Variants in ATP6V1E1 observed in about 807,000 individuals in gnomAD.
ATP6V1E1 encodes V-type proton ATPase subunit E 1.
In ATP6V1E1, 21 loss-of-function variants were observed where a neutral mutation model predicts 35.2. The observed-to-expected ratio is 0.60, with a 90% CI of 0.42 to 0.86. ATP6V1E1 has a LOEUF of 0.86. Ranked by LOEUF, ATP6V1E1 falls within the 40% of genes least tolerant of loss-of-function variation. ATP6V1E1 has a pLI of 0.00. For missense variants in ATP6V1E1, 183 were observed against 272.6 expected, an observed-to-expected ratio of 0.67 and a Z score of 2.32; for synonymous variants, 83 against 87.8, an observed-to-expected ratio of 0.95 and a Z score of 0.30.
intron 8 of ATP6V1E1, among the ~76,000 whole-genome samples, chr22:17,593,510 G>A (rs954504732): frequency 2.6e-5 from 4 of 152,148 alleles, no homozygotes; most frequent in Admixed American, 6.5e-5. Flanking sequence ...TCCAAGGCTC[G>A]GCTGTCCAAC....
intron 7 of ATP6V1E1, chr22:17,594,849 C>T (rs2057723243): frequency 6.4e-6 from 2 of 312,666 alleles, no homozygotes; most frequent in African/African-American, 2.2e-5. Context: ...TATTTGCATA[C>T]AACCATCACA....
intron 2 of ATP6V1E1, among the ~76,000 whole-genome samples, chr22:17,617,411 A>G (rs2146312841): frequency 6.6e-6 from 1 of 152,198 alleles, no homozygotes; most frequent in Middle Eastern, 3.4e-3. Context: ...CTCCTGCCTC[A>G]GCCTCCTGAG....
At chr22:17,615,457 C>A (rs2057839193) in intron 2 of ATP6V1E1, among the ~76,000 whole-genome samples, 1 of 151,454 alleles carries the variant, frequency 6.6e-6, no homozygotes, top group Non-Finnish European at 1.5e-5. Context: ...ACGAGCCTGG[C>A]CAACATGGTG....
intron 4 of ATP6V1E1, among the ~76,000 whole-genome samples, chr22:17,611,266 A>G (rs562681103): frequency 4.4e-4 from 67 of 152,294 alleles, no homozygotes; most frequent in African/African-American, 1.4e-3. Flanking sequence ...AGCTAGTAAC[A>G]TTTTGCAGGC....
chr22:17,602,956 CATTATT>C (rs2057768939), intron 4 of ATP6V1E1, among the ~76,000 whole-genome samples: 1 of 151,958 alleles, frequency 6.6e-6, no homozygotes, highest in East Asian at 1.9e-4. Context: ...TTTAAAGAAA[CATTATT>C]ATTATTATTT....
chr22:17,593,051 G>A (rs895443795), intron 8 of ATP6V1E1, among the ~76,000 whole-genome samples: 2 of 152,072 alleles, frequency 1.3e-5, no homozygotes, highest in Non-Finnish European at 2.9e-5. Context: ...GCCTCCCACA[G>A]TGCTGGGATT....
chr22:17,606,136 A>G (rs2057785936), intron 4 of ATP6V1E1, among the ~76,000 whole-genome samples: 1 of 152,168 alleles, frequency 6.6e-6, no homozygotes, highest in Admixed American at 6.5e-5. Context: ...ATCAACACAG[A>G]CAAATATCTA....
chr22:17,623,007 G>A (rs2057885775), intron 1 of ATP6V1E1, among the ~76,000 whole-genome samples: 1 of 152,060 alleles, frequency 6.6e-6, no homozygotes, highest in Non-Finnish European at 1.5e-5. Flanking sequence ...CATATAGGAG[G>A]ATTTTAGAAG....
intron 7 of ATP6V1E1, among the ~76,000 whole-genome samples, chr22:17,597,388 A>G (rs5992751): frequency 0.4 from 60,109 of 151,866 alleles, 15,599 homozygotes; most frequent in African/African-American, 0.75. Flanking sequence ...CCAGCTACAC[A>G]AAGCTTGTTA....
At chr22:17,599,753 C>G (rs1196340408) in intron 6 of ATP6V1E1, among the ~76,000 whole-genome samples, 1 of 151,198 alleles carries the variant, frequency 6.6e-6, no homozygotes, top group Non-Finnish European at 1.5e-5. Flanking sequence ...AACCCTCCCT[C>G]TACTAAAAAT....
intron 6 of ATP6V1E1, among the ~76,000 whole-genome samples, chr22:17,598,643 A>C (rs5992752): frequency 0.011 from 1,633 of 152,274 alleles, 26 homozygotes; most frequent in African/African-American, 0.038. Flanking sequence ...AGGGAAGAGA[A>C]GTTTGGCTGC....
chr22:17,615,909 G>A (rs908366980), intron 2 of ATP6V1E1, among the ~76,000 whole-genome samples: 2 of 151,956 alleles, frequency 1.3e-5, no homozygotes, highest in African/African-American at 2.4e-5. Context: ...GCAGGTGCCT[G>A]TAGTCCCAGG....
At chr22:17,614,527 C>A (rs551574759) in intron 2 of ATP6V1E1, among the ~76,000 whole-genome samples, 2 of 150,746 alleles carry the variant, frequency 1.3e-5, no homozygotes, top group African/African-American at 4.9e-5. Flanking sequence ...AAAAATTAGC[C>A]GCGCATGGTG....
At chr22:17,605,693 C>CTTT (rs3044548) in intron 4 of ATP6V1E1, among the ~76,000 whole-genome samples, 4,445 of 103,860 alleles carry the variant, frequency 0.043, 297 homozygotes, top group African/African-American at 0.12. Context: ...AGATGTTTCT[C>CTTT]TTTTTTTTTT....
At chr22:17,602,398 A>G (rs1451993478) in intron 4 of ATP6V1E1, among the ~76,000 whole-genome samples, 1 of 149,492 alleles carries the variant, frequency 6.7e-6, no homozygotes, top group African/African-American at 2.5e-5. Flanking sequence ...TTTCTTTGAG[A>G]CAGTCTCGCT....
intron 8 of ATP6V1E1, among the ~76,000 whole-genome samples, chr22:17,593,383 T>C (rs1342710628): frequency 6.6e-6 from 1 of 152,120 alleles, no homozygotes; most frequent in African/African-American, 2.4e-5. Context: ...TCAACAAACA[T>C]TTACTGAGTG....
chr22:17,616,275 G>A (rs1882637535), intron 2 of ATP6V1E1, among the ~76,000 whole-genome samples: 1 of 152,212 alleles, frequency 6.6e-6, no homozygotes, highest in Admixed American at 6.5e-5. Context: ...TTGAACCCAG[G>A]AGGTGGGGGT....
intron 4 of ATP6V1E1, among the ~76,000 whole-genome samples, chr22:17,601,821 C>T (rs1222977987): frequency 2.0e-5 from 3 of 152,146 alleles, no homozygotes; most frequent in Non-Finnish European, 4.4e-5. Flanking sequence ...TGGCCAGGCT[C>T]GTCTCTAACT....
At chr22:17,621,157 C>T (rs1182950968) in intron 1 of ATP6V1E1, among the ~76,000 whole-genome samples, 2 of 152,174 alleles carry the variant, frequency 1.3e-5, no homozygotes, top group Non-Finnish European at 2.9e-5. Flanking sequence ...TAAACTACTA[C>T]AACAGCTTCC....
Sources: gnomAD v4.1 joint callset for allele counts (sites outside exome capture counted in the v4.1 genomes callset) on GRCh38, gnomAD v4.1.1 for gene constraint, MANE v1.5 for transcripts, NCBI Gene and HGNC (gene_info 2026-07-23, HGNC 2026-07-21) for gene names.